The following AHI1 variants were observed in gnomAD, a reference collection of about 807,000 sequenced individuals.
The protein encoded by AHI1 is Abelson helper integration site 1.
Under a neutral mutation model 149.3 loss-of-function variants are expected in AHI1, and 123 were observed. The observed-to-expected ratio is 0.82, with a 90% CI of 0.71 to 0.96. The LOEUF is 0.96. Ranked by LOEUF, AHI1 falls within the 40% of genes least tolerant of loss-of-function variation. The pLI is 0.00. For missense variants in AHI1, 1,439 were observed against 1,422.7 expected (o/e 1.01, Z -0.18); for synonymous variants, 475 against 459.8 (o/e 1.03, Z -0.42).
chr6:135,444,893 C>T (rs1786921878), intron 13 of AHI1, among the ~76,000 whole-genome samples: 1 of 152,156 alleles, frequency 6.6e-6, no homozygotes. Flanking sequence ...CTTCAAGAAC[C>T]CCCTGAAAGG....
intron 5 of AHI1, among the ~76,000 whole-genome samples, chr6:135,477,919 T>A (rs763664588): frequency 7.2e-5 from 11 of 152,272 alleles, no homozygotes; most frequent in Non-Finnish European, 1.0e-4. Context: ...TGCCTCAGCC[T>A]CCTGAGTAGC....
chr6:135,341,625 G>GA (rs1790383890), intron 24 of AHI1, among the ~76,000 whole-genome samples: 1 of 151,834 alleles, frequency 6.6e-6, no homozygotes, highest in Non-Finnish European at 1.5e-5. Flanking sequence ...TGAAAGCACA[G>GA]AAAGTATGTT....
intron 24 of AHI1, among the ~76,000 whole-genome samples, chr6:135,347,208 C>T (rs1791364330): frequency 6.6e-6 from 1 of 152,212 alleles, no homozygotes; most frequent in Non-Finnish European, 1.5e-5. Flanking sequence ...TGCCTGTTGT[C>T]TCCAACCTTC....
intron 22 of AHI1, among the ~76,000 whole-genome samples, chr6:135,399,075 C>A (rs1216687523): frequency 6.6e-6 from 1 of 151,946 alleles, no homozygotes; most frequent in Non-Finnish European, 1.5e-5. Context: ...TCTCAGCTAC[C>A]CAGGAGGCTG....
chr6:135,486,778 T>C (rs1794539250), intron 5 of AHI1, among the ~76,000 whole-genome samples: 1 of 152,156 alleles, frequency 6.6e-6, no homozygotes, highest in Non-Finnish European at 1.5e-5. Context: ...ATTATTAGTA[T>C]TATTTTTGAG....
intron 27 of AHI1, among the ~76,000 whole-genome samples, chr6:135,294,897 G>A (rs998656143): frequency 1.3e-5 from 2 of 151,944 alleles, no homozygotes; most frequent in Non-Finnish European, 2.9e-5. Context: ...TTATACTAAA[G>A]CATGATTTGT....
chr6:135,369,239 TCA>T (rs1774668431), intron 23 of AHI1, among the ~76,000 whole-genome samples: 1 of 152,198 alleles, frequency 6.6e-6, no homozygotes, highest in African/African-American at 2.4e-5. Flanking sequence ...ATTCCCTCTC[TCA>T]CTCTTTGGGC....
At chr6:135,369,052 T>C (rs932704048) in intron 23 of AHI1, among the ~76,000 whole-genome samples, 2 of 152,250 alleles carry the variant, frequency 1.3e-5, no homozygotes, top group Admixed American at 6.5e-5. Flanking sequence ...CAGTCAGGAA[T>C]GCAGGAATGG....
At chr6:135,432,398 G>A (rs902905968) in intron 16 of AHI1, among the ~76,000 whole-genome samples, 1 of 152,040 alleles carries the variant, frequency 6.6e-6, no homozygotes, top group Non-Finnish European at 1.5e-5. Flanking sequence ...TGTCGCCCAG[G>A]CTGGAGTGCA....
In AHI1 at chr6:135,455,785, G is replaced by T; in HGVS notation, c.1293C>A (p.Pro431=). ...TCTCATCAGAGCCTCGAAGCAAATA[G>T]GGAAAATTTTCATTAAATACAATTT... The part of the protein sequence containing the change: ...EEQIVFNENF[P]YLLRGSDESP... Residue 431 remains proline, a synonymous_variant, in exon 10 of 29, where the codon CCC becomes CCA. Transcript: ENST00000265602. The T allele has an allele frequency of 6.2e-7, 1 of 1,603,248 alleles. No individual in the cohort carries two copies.
At chr6:135,490,586 T>C in intron 5 of AHI1, 37 bp downstream of exon 5, 1 of 1,612,064 alleles carries the variant, frequency 6.2e-7, no homozygotes, top group South Asian at 1.1e-5. Flanking sequence ...TTTATGCGCA[T>C]ATGTAAATCA....
chr6:135,486,499 A>T (rs1262835132), intron 5 of AHI1, among the ~76,000 whole-genome samples: 1 of 152,098 alleles, frequency 6.6e-6, no homozygotes, highest in Admixed American at 6.5e-5. Context: ...ATATTGACTG[A>T]TATCCAATTA....
intron 28 of AHI1, among the ~76,000 whole-genome samples, chr6:135,286,111 G>C (rs912337258): frequency 2.0e-5 from 3 of 152,166 alleles, no homozygotes; most frequent in Non-Finnish European, 4.4e-5. Context: ...CTATGGCTAT[G>C]CCTACTTTTA....
At chr6:135,442,793 GTTCTT>G in intron 13 of AHI1, 79 bp from the exon 14 acceptor site, 1 of 1,306,690 alleles carries the variant, frequency 7.7e-7, no homozygotes, top group African/African-American at 1.5e-5. Flanking sequence ...AATTACTGTA[GTTCTT>G]TTAAGTCCTT....
Position 135,363,836 on chromosome 6 carries a change from G to A in AHI1, c.3110-5649C>T, listed in dbSNP as rs1159989363. Among the ~76,000 whole-genome samples, 6 of 149,120 alleles carry A rather than the reference G, an allele frequency of 4.0e-5. No individual in the cohort carries two copies. The South Asian group carries it at 6.4e-4, about 16-fold the overall frequency. The stretch of plus-strand genomic sequence containing the variant: ...AGGGGCTCCTCACTTCCCAGTAGGC[G>A]CGGCCGGGCAGAGGCGCCCCTCACC... On this transcript the variant is annotated intron_variant, in intron 23 of 28. Transcript: ENST00000265602.
In AHI1 at chr6:135,315,865, C is replaced by G. The variant is rs567607761; in HGVS notation, c.3426+2654G>C. Among the ~76,000 whole-genome samples the G allele has an allele frequency of 2.9e-4, 44 of 152,254 alleles. No homozygotes were observed. The South Asian group carries it at 7.5e-3, about 26-fold the overall frequency. On this transcript the variant is annotated intron_variant, in intron 26 of 28. Transcript: ENST00000265602. The stretch of plus-strand genomic sequence containing the variant: ...ATATCTTTAATTTCTAGACTTCAAC[C>G]CTTTATTAACTTATCTGCATCCCTA...
chr6:135,450,505 C>G (rs1787927517), intron 11 of AHI1, among the ~76,000 whole-genome samples: 1 of 152,064 alleles, frequency 6.6e-6, no homozygotes, highest in Admixed American at 6.5e-5. Flanking sequence ...TGATTAGTGT[C>G]AAATGACACA....
At chr6:135,378,698 CAATAT>C (rs1392658483) in intron 23 of AHI1, among the ~76,000 whole-genome samples, 5 of 151,960 alleles carry the variant, frequency 3.3e-5, no homozygotes, top group South Asian at 2.1e-4. Flanking sequence ...ATAGATTTAA[CAATAT>C]ATTATGGACT....
chr6:135,284,200 T>C lies in AHI1; in HGVS notation c.*1445A>G, dbSNP rs1210394622. 2 of 152,208 alleles carry C rather than the reference T, an allele frequency of 1.3e-5. No homozygotes were observed. Among genetic ancestry groups the C allele is most frequent in the Non-Finnish European group, 2.9e-5 (2 of 68,036 alleles). 9.4% of individuals were successfully genotyped at this position (152,208 alleles called of 1,614,324 possible). A position where few individuals can be genotyped will look rare whatever the true frequency, so the allele number is the denominator to read the frequency against. On this transcript the variant is annotated 3_prime_UTR_variant, in exon 29 of 29. Transcript: ENST00000265602. ...CCAGTTATCAGTGCCACTCAACACT[T>C]TCAAAAATGCCTTTTTTTTAAAGTT...
Sources: allele counts gnomAD v4.1 joint callset (sites outside exome capture counted in the v4.1 genomes callset), GRCh38; gene constraint gnomAD v4.1.1; transcripts MANE v1.5; gene names NCBI Gene and HGNC (gene_info 2026-07-23, HGNC 2026-07-21).